C12orf56: variants seen among roughly 807,000 people sequenced by gnomAD.
C12orf56 encodes the protein chromosome 12 open reading frame 56.
In C12orf56, 71 loss-of-function variants were observed where a neutral mutation model predicts 69.9. The observed-to-expected ratio is 1.02, with a 90% confidence interval of 0.84 to 1.24. C12orf56 has a LOEUF of 1.24. C12orf56 is among the 50% of genes most tolerant of loss of function. C12orf56 has a pLI of 0.00. For synonymous variants in C12orf56, 276 were observed against 274.1 expected, an observed-to-expected ratio of 1.01 and a Z score of -0.07; for missense variants, 732 against 738.5, an observed-to-expected ratio of 0.99 and a Z score of 0.10.
chr12:64,313,768 G>A (rs567753605), intron 4 of C12orf56, among the ~76,000 whole-genome samples: 102 of 151,224 alleles, frequency 6.7e-4, no homozygotes, highest in Non-Finnish European at 1.1e-3. Context: ...TTTACAGCCC[G>A]GCCCAGTGGC....
chr12:64,353,104 A>ACCTATTTTGGTATAATAGGTATACC (rs1450904869), intron 1 of C12orf56, 48 bp from the exon 2 acceptor site: 1 of 1,565,276 alleles, frequency 6.4e-7, no homozygotes, highest in African/African-American at 1.4e-5. Flanking sequence ...ACAACTGCTT[A>ACCTATTTTGGTATAATAGGTATACC]CCTATTTTGG....
At chr12:64,379,026 G>A (rs1217949924) in intron 1 of C12orf56, among the ~76,000 whole-genome samples, 1 of 150,096 alleles carries the variant, frequency 6.7e-6, no homozygotes, top group African/African-American at 2.5e-5. Context: ...ACTCCAGCCT[G>A]GGTGACAGGA....
chr12:64,334,138 A>G (rs1003119372), intron 2 of C12orf56, among the ~76,000 whole-genome samples: 2 of 152,172 alleles, frequency 1.3e-5, no homozygotes, highest in African/African-American at 4.8e-5. Context: ...TTTAGAAGGG[A>G]CACTACAAAA....
chr12:64,370,816 C>A (rs2039560399), intron 1 of C12orf56, among the ~76,000 whole-genome samples: 1 of 152,036 alleles, frequency 6.6e-6, no homozygotes, highest in South Asian at 2.1e-4. Flanking sequence ...CTGTAAGGTA[C>A]TAATGTGAAA....
At chr12:64,374,923 G>C (rs188824001) in intron 1 of C12orf56, among the ~76,000 whole-genome samples, 2 of 152,004 alleles carry the variant, frequency 1.3e-5, no homozygotes, top group African/African-American at 4.8e-5. Flanking sequence ...ACATAATTGC[G>C]GTTTTTGCAT....
intron 1 of C12orf56, among the ~76,000 whole-genome samples, chr12:64,356,411 G>T (rs1266402521): frequency 1.3e-5 from 2 of 152,160 alleles, no homozygotes; most frequent in African/African-American, 4.8e-5. Flanking sequence ...GCAACTCGTG[G>T]ATGGAGCAAT....
intron 6 of C12orf56, among the ~76,000 whole-genome samples, chr12:64,287,163 GA>G (rs1351973537): frequency 6.7e-6 from 1 of 150,266 alleles, no homozygotes; most frequent in Admixed American, 6.7e-5. Flanking sequence ...AGAATCACTT[GA>G]ACCTGGGAGG....
intron 4 of C12orf56, among the ~76,000 whole-genome samples, chr12:64,317,449 T>C (rs1032094125): frequency 6.6e-6 from 1 of 152,144 alleles, no homozygotes; most frequent in Non-Finnish European, 1.5e-5. Context: ...TATATAATCT[T>C]GAGTAAATCA....
intron 2 of C12orf56, among the ~76,000 whole-genome samples, chr12:64,345,725 A>C (rs2039132411): frequency 6.6e-6 from 1 of 152,162 alleles, no homozygotes; most frequent in South Asian, 2.1e-4. Flanking sequence ...AGAATCCCTG[A>C]GTTTATCATT....
chr12:64,284,054 T>C (rs1056331440), intron 8 of C12orf56, among the ~76,000 whole-genome samples: 3 of 151,964 alleles, frequency 2.0e-5, no homozygotes, highest in Non-Finnish European at 4.4e-5. Flanking sequence ...CGCACCACCA[T>C]GCCTGGCTAA....
intron 2 of C12orf56, chr12:64,338,364 T>C (rs1419592353): frequency 1.5e-6 from 1 of 650,254 alleles, no homozygotes; most frequent in African/African-American, 1.8e-5. Flanking sequence ...TTGAGATATA[T>C]AATGGGGACC....
intron 5 of C12orf56, among the ~76,000 whole-genome samples, chr12:64,310,828 C>T (rs1156609436): frequency 1.3e-5 from 2 of 151,848 alleles, no homozygotes; most frequent in Non-Finnish European, 2.9e-5. Flanking sequence ...ATTAACTCGT[C>T]GTTTACATTA....
intron 4 of C12orf56, among the ~76,000 whole-genome samples, chr12:64,314,116 C>T (rs1351409517): frequency 4.0e-5 from 6 of 149,490 alleles, no homozygotes; most frequent in African/African-American, 1.5e-4. Flanking sequence ...GACAGGGTCT[C>T]ACTCTGTCAC....
chr12:64,352,343 C>G (rs922477764), intron 2 of C12orf56: 4 of 152,340 alleles, frequency 2.6e-5, no homozygotes, highest in African/African-American at 9.7e-5. Context: ...TGAGACAGGC[C>G]TCTGAGGGAG....
intron 2 of C12orf56, among the ~76,000 whole-genome samples, chr12:64,331,648 A>G (rs2038931654): frequency 6.6e-6 from 1 of 152,130 alleles, no homozygotes; most frequent in South Asian, 2.1e-4. Flanking sequence ...CCACTACGTG[A>G]GGACATAGGA....
chr12:64,267,552 G>A, intron 12 of C12orf56: 1 of 417,578 alleles, frequency 2.4e-6, no homozygotes, highest in Non-Finnish European at 4.2e-6. Flanking sequence ...AGTATGAGCA[G>A]AGGCTCCTGC....
chr12:64,390,693 GGA>G lies in C12orf56; in HGVS notation c.-130_-129del. 2 of 1,309,964 alleles carry G rather than the reference GGA, an allele frequency of 1.5e-6. No homozygotes were observed. Among genetic ancestry groups the G allele is most frequent in the South Asian group, 3.6e-5 (2 of 55,540 alleles). 81.1% of individuals were successfully genotyped at this position (1,309,964 alleles called of 1,614,324 possible). On this transcript the variant is annotated 5_prime_UTR_variant, in exon 1 of 13. Transcript: ENST00000543942. ...CGCGTCGCCTCCTCTCCAGGCGCGGGGACCCGGGCCGCAACTGCAGGAATCGA... is the reference window on the plus strand; with the variant it reads ...CGCGTCGCCTCCTCTCCAGGCGCGGGCCCGGGCCGCAACTGCAGGAATCGA...
chr12:64,274,611 T>C (rs993269854), intron 11 of C12orf56, among the ~76,000 whole-genome samples: 7 of 152,222 alleles, frequency 4.6e-5, no homozygotes, highest in African/African-American at 1.4e-4. Context: ...TGTTTATCTT[T>C]TTACCTAATT....
At chr12:64,312,589 A>G in intron 5 of C12orf56, 90 bp downstream of exon 5, 1 of 971,714 alleles carries the variant, frequency 1.0e-6, no homozygotes, top group Non-Finnish European at 1.6e-6. Flanking sequence ...AGCCTGGGAA[A>G]CAGAGTGAGA....
Sources: gnomAD v4.1 joint callset for allele counts (sites outside exome capture counted in the v4.1 genomes callset) on GRCh38, gnomAD v4.1.1 for gene constraint, MANE v1.5 for transcripts, NCBI Gene and HGNC (gene_info 2026-07-23, HGNC 2026-07-21) for gene names.